The following ASTN2 variants were observed in gnomAD, a reference collection of about 807,000 sequenced individuals.
The protein encoded by ASTN2 is astrotactin 2, also known as astrotactin-2.
Under a neutral mutation model 139.8 loss-of-function variants are expected in ASTN2, and 54 were observed. That is an observed-to-expected ratio of 0.39 (90% CI 0.31 to 0.48). The LOEUF (loss-of-function observed/expected upper bound fraction) is 0.48, where lower values mean the gene tolerates loss of function less well. ASTN2 is among the 20% of genes least tolerant of loss of function. ASTN2 has a pLI of 0.95. For synonymous variants in ASTN2, 756 were observed against 719.5 expected, an observed-to-expected ratio of 1.05 and a Z score of -0.81; for missense variants, 1,565 against 1,725.1, an observed-to-expected ratio of 0.91 and a Z score of 1.64.
intron 1 of ASTN2, among the ~76,000 whole-genome samples, chr9:117,315,693 T>C (rs917830709): frequency 1.3e-5 from 2 of 152,236 alleles, no homozygotes; most frequent in Non-Finnish European, 2.9e-5. Flanking sequence ...TTTCATTATG[T>C]TGAGTTTCAG....
chr9:116,552,546 T>G (rs1239322714), intron 19 of ASTN2, among the ~76,000 whole-genome samples: 1 of 152,146 alleles, frequency 6.6e-6, no homozygotes, highest in African/African-American at 2.4e-5. Flanking sequence ...AACATCATTT[T>G]GAAAACTGCT....
At chr9:117,399,140 G>A (rs1437409455) in intron 1 of ASTN2, among the ~76,000 whole-genome samples, 1 of 152,304 alleles carries the variant, frequency 6.6e-6, no homozygotes, top group Non-Finnish European at 1.5e-5. Flanking sequence ...CTCTGCTGGA[G>A]TTACAGATAT....
chr9:117,182,715 C>A (rs191363800), intron 3 of ASTN2, among the ~76,000 whole-genome samples: 29 of 152,158 alleles, frequency 1.9e-4, no homozygotes, highest in African/African-American at 7.0e-4. Flanking sequence ...TTAGGGCAAT[C>A]CCAGTCCTTC....
chr9:116,569,836 T>G (rs1003574288), intron 19 of ASTN2, among the ~76,000 whole-genome samples: 1 of 152,154 alleles, frequency 6.6e-6, no homozygotes, highest in Non-Finnish European at 1.5e-5. Flanking sequence ...ACCCAGAAAC[T>G]GGAGCATGCA....
chr9:116,729,278 A>C (rs1198617247), intron 14 of ASTN2, among the ~76,000 whole-genome samples, 182 bp from the exon 15 acceptor site: 1 of 151,744 alleles, frequency 6.6e-6, no homozygotes, highest in Admixed American at 6.6e-5. Context: ...TCTCAGCCCT[A>C]CCCCTCATTT....
chr9:116,512,850 T>G (rs570790405), intron 19 of ASTN2, among the ~76,000 whole-genome samples: 16 of 152,344 alleles, frequency 1.1e-4, no homozygotes, highest in African/African-American at 3.8e-4. Flanking sequence ...TTCCATTTGC[T>G]TGGCAGATCT....
intron 1 of ASTN2, among the ~76,000 whole-genome samples, chr9:117,341,258 T>C (rs879616990): frequency 1.3e-5 from 2 of 151,654 alleles, no homozygotes; most frequent in Admixed American, 1.3e-4. Flanking sequence ...AATCAAATCG[T>C]TTTTTTTCCT....
intron 14 of ASTN2, among the ~76,000 whole-genome samples, chr9:116,732,944 C>T (rs370828063): frequency 5.2e-4 from 79 of 152,284 alleles, no homozygotes; most frequent in African/African-American, 1.7e-3. Flanking sequence ...TGCCCACGTA[C>T]AAAAACGAGC....
intron 6 of ASTN2, among the ~76,000 whole-genome samples, chr9:117,033,604 T>C (rs1474358153): frequency 1.3e-5 from 2 of 152,132 alleles, no homozygotes; most frequent in Non-Finnish European, 2.9e-5. Flanking sequence ...TCATTACCCA[T>C]ATATCTGTCT....
chr9:116,502,885 AAAG>A (rs1456713683), intron 19 of ASTN2, among the ~76,000 whole-genome samples: 1 of 148,278 alleles, frequency 6.7e-6, no homozygotes, highest in Non-Finnish European at 1.5e-5. Flanking sequence ...GAGAGGAAGG[AAAG>A]AAGAAGGGAA....
rs924924037 is a variant in ASTN2 at position 117,231,343 on chromosome 9, CCTT to C, written c.631-16604_631-16602del. ...TACATACCTGCCATCCCTGACTAGT[CCTT>C]CTTATTTGTGTATGCCAATGTAGCT... On this transcript the variant is annotated intron_variant, in intron 2 of 22. Transcript: ENST00000313400. Among the ~76,000 whole-genome samples the C allele has an allele frequency of 1.4e-4, 21 of 152,298 alleles. No homozygotes were observed. In the Middle Eastern group the frequency reaches 0.01, roughly 74 times the overall value.
intron 3 of ASTN2, among the ~76,000 whole-genome samples, chr9:117,176,503 T>C (rs12378022): frequency 0.24 from 36,476 of 152,092 alleles, 4,637 homozygotes; most frequent in East Asian, 0.52. Context: ...ATATTTACTT[T>C]ATTGCATGAT....
intron 13 of ASTN2, among the ~76,000 whole-genome samples, chr9:116,794,095 C>G (rs966989673): frequency 8.5e-6 from 1 of 118,142 alleles, no homozygotes; most frequent in Non-Finnish European, 1.9e-5. Flanking sequence ...AAAATAAACA[C>G]CTTTTTTTTT....
At chr9:117,060,506 A>AAGGAAGGAAGGAAGG (rs1564406817) in intron 5 of ASTN2, among the ~76,000 whole-genome samples, 2 of 82,224 alleles carry the variant, frequency 2.4e-5, no homozygotes, top group Non-Finnish European at 4.6e-5. Flanking sequence ...AGAAAGAAAG[A>AAGGAAGGAAGGAAGG]AAGAAAGGAA....
chr9:116,711,292 C>A (rs1828150661), intron 16 of ASTN2, among the ~76,000 whole-genome samples: 1 of 152,144 alleles, frequency 6.6e-6, no homozygotes, highest in Non-Finnish European at 1.5e-5. Context: ...ACATTTTACA[C>A]AAGTAAAAGC....
chr9:116,533,809 G>A (rs1443181714), intron 19 of ASTN2, among the ~76,000 whole-genome samples: 4 of 152,108 alleles, frequency 2.6e-5, no homozygotes, highest in Non-Finnish European at 5.9e-5. Context: ...CAGGGATATT[G>A]GTCTAAAATT....
intron 19 of ASTN2, among the ~76,000 whole-genome samples, chr9:116,510,697 C>T (rs538253196): frequency 6.6e-6 from 1 of 152,232 alleles, no homozygotes; most frequent in South Asian, 2.1e-4. Flanking sequence ...GTTTGCAGTT[C>T]TCCTTGAAGA....
At chr9:117,199,065 C>T (rs768267480) in intron 3 of ASTN2, among the ~76,000 whole-genome samples, 2 of 152,088 alleles carry the variant, frequency 1.3e-5, no homozygotes, top group African/African-American at 4.8e-5. Context: ...CAAACATTTT[C>T]TCCCATTCTG....
intron 13 of ASTN2, among the ~76,000 whole-genome samples, chr9:116,792,066 T>A (rs917926334): frequency 2.6e-5 from 4 of 152,170 alleles, no homozygotes; most frequent in African/African-American, 9.7e-5. Context: ...GAGAAAATTT[T>A]AAAAAATTAA....
Sources: gnomAD v4.1 joint callset for allele counts (sites outside exome capture counted in the v4.1 genomes callset) on GRCh38, gnomAD v4.1.1 for gene constraint, MANE v1.5 for transcripts, NCBI Gene and HGNC (gene_info 2026-07-23, HGNC 2026-07-21) for gene names.